The following DNAH10 variants were observed in gnomAD, a reference collection of about 807,000 sequenced individuals.
The protein encoded by DNAH10 is axonemal beta dynein heavy chain 10.
DNAH10 carries 348 observed loss-of-function variants against 506.6 expected under a neutral mutation model. The observed-to-expected ratio is 0.69, with a 90% CI of 0.63 to 0.75. The LOEUF (loss-of-function observed/expected upper bound fraction) is 0.75. Among genes scored for constraint, DNAH10 ranks in the 30% least tolerant of loss-of-function variants. The probability of loss-of-function intolerance (pLI) is 0.00; values close to 1 mark genes in which losing one functional copy is unlikely to be tolerated. For synonymous variants in DNAH10, 2,059 were observed against 2,198.6 expected (o/e 0.94, Z 1.78); for missense variants, 5,179 against 5,787.1 (o/e 0.89, Z 3.41).
chr12:123,794,115 A>G lies in DNAH10; in HGVS notation c.1986+3A>G, dbSNP rs1308072367. On this transcript the variant is annotated splice_donor_region_variant and intron_variant, in intron 12 of 78. Coordinates refer to ENST00000673944, the MANE Select transcript of DNAH10 (RefSeq NM_001372106.1). ...TTCTTGCACAGTACTGTAAAGAGGT[A>G]ATTGAAAAATCGATAGCTGCCATAG... 1.7e-6 allele frequency: 2 copies of G among 1,181,226 alleles called. No homozygotes were observed. The highest frequency in any genetic ancestry group is 2.1e-6 in the Non-Finnish European group (2 of 930,866). 73.2% of individuals were successfully genotyped at this position (1,181,226 alleles called of 1,614,324 possible). A position where few individuals can be genotyped will look rare whatever the true frequency, so the allele number is the denominator to read the frequency against.
intron 18 of DNAH10, among the ~76,000 whole-genome samples, chr12:123,808,216 A>G (rs1236431476): frequency 5.3e-5 from 8 of 152,008 alleles, no homozygotes; most frequent in Non-Finnish European, 1.2e-4. Flanking sequence ...TTTATTTTAG[A>G]GACAGGGTCT....
intron 78 of DNAH10, 108 bp from the exon 79 acceptor site, chr12:123,935,227 G>A (rs1327981483): frequency 7.5e-6 from 10 of 1,336,678 alleles, no homozygotes; most frequent in Non-Finnish European, 1.0e-5. Context: ...GTTCTCAGGT[G>A]CAGTCTTGCA....
In DNAH10 at chr12:123,909,375, T is replaced by C. The variant is rs1294946181; in HGVS notation, c.9930T>C (p.Asn3310=). ...CCAAGGGCGTGATGTCCGACCCGAA[T>C]TTCCTGCGGTCTCTGATGGAGATTG... ...KTAKGVMSDP[N]FLRSLMEIDF... is the part of the protein sequence containing the mutation. Residue 3310 remains asparagine (N), a synonymous_variant, in exon 58 of 79, where the codon AAT becomes AAC. Coordinates refer to ENST00000673944, the MANE Select transcript of DNAH10 (RefSeq NM_001372106.1). The surrounding 1 kb of genome is among the most constrained non-coding windows in gnomAD (Gnocchi z 5.4). 2 of 1,611,592 alleles carry C rather than the reference T, an allele frequency of 1.2e-6. No individual in the cohort carries two copies. The highest frequency in any genetic ancestry group is 1.7e-6 in the Non-Finnish European group (2 of 1,178,918).
intron 17 of DNAH10, among the ~76,000 whole-genome samples, chr12:123,804,412 CT>C (rs1417538329): frequency 1.3e-5 from 2 of 151,890 alleles, no homozygotes; most frequent in African/African-American, 2.4e-5. Context: ...GTAGTCCCAG[CT>C]ACTCGGGAGG....
chr12:123,896,530 C>T (rs1229322238), intron 54 of DNAH10, among the ~76,000 whole-genome samples: 2 of 152,052 alleles, frequency 1.3e-5, no homozygotes, highest in Non-Finnish European at 2.9e-5. Flanking sequence ...GGGTGTCATC[C>T]AGCGGTGGGT....
chr12:123,933,248 ATAAAC>A (rs1284540341), intron 76 of DNAH10, 78 bp from the exon 77 acceptor site: 4 of 1,281,580 alleles, frequency 3.1e-6, no homozygotes, highest in Non-Finnish European at 4.0e-6. Context: ...GTCTTTTATC[ATAAAC>A]TAAACTTCCA....
In DNAH10 at chr12:123,909,445, G is replaced by C. The variant is rs1475572964; in HGVS notation, c.9997+3G>C. 2.5e-6 allele frequency: 4 copies of C among 1,577,922 alleles called. No homozygotes were observed. The highest frequency in any genetic ancestry group is 2.7e-5 in the African/African-American group (2 of 74,422). On this transcript the variant is annotated splice_donor_region_variant and intron_variant, in intron 58 of 78. Coordinates refer to ENST00000673944, the MANE Select transcript of DNAH10 (RefSeq NM_001372106.1). This position sits in a 1 kb window ranked among gnomAD's most constrained non-coding sequence, Gnocchi z 5.4. Reference sequence around the variant, plus strand: ...GAGCCAAGTGAAAAACATCAAAGGTGAGTGTAGCCACGTGTGGGAATCGCC... The same window carrying C: ...GAGCCAAGTGAAAAACATCAAAGGTCAGTGTAGCCACGTGTGGGAATCGCC...
chr12:123,832,911 G>A (rs1353277789), intron 26 of DNAH10, among the ~76,000 whole-genome samples: 1 of 152,162 alleles, frequency 6.6e-6, no homozygotes, highest in African/African-American at 2.4e-5. Flanking sequence ...ATGAGATCGT[G>A]TATGTGACAT....
chr12:123,796,075 G>C (rs925706710), intron 12 of DNAH10, among the ~76,000 whole-genome samples: 1 of 152,064 alleles, frequency 6.6e-6, no homozygotes, highest in Non-Finnish European at 1.5e-5. Context: ...ACAGATTTCC[G>C]GATTTCTGAT....
intron 57 of DNAH10, chr12:123,908,670 C>G (rs535807914): frequency 2.4e-6 from 1 of 418,746 alleles, no homozygotes; most frequent in South Asian, 1.7e-5. Flanking sequence ...CATCTGCGTT[C>G]TGGAGGAGCA....
At chr12:123,892,386 A>G (rs1026593025) in intron 52 of DNAH10, among the ~76,000 whole-genome samples, 30 of 152,196 alleles carry the variant, frequency 2.0e-4, no homozygotes, top group African/African-American at 6.8e-4. Flanking sequence ...ACTCGCGCTC[A>G]CAAGAACAGC....
At chr12:123,849,817 G>A (rs1303512920) in intron 34 of DNAH10, among the ~76,000 whole-genome samples, 3 of 152,224 alleles carry the variant, frequency 2.0e-5, no homozygotes, top group Non-Finnish European at 4.4e-5. Context: ...AGGGCTCACT[G>A]TTAAGAGATT....
intron 32 of DNAH10, among the ~76,000 whole-genome samples, chr12:123,847,143 T>TATCCATCCATCC (rs57589181): frequency 7.9e-4 from 114 of 144,926 alleles, no homozygotes; most frequent in East Asian, 8.1e-4. Context: ...TCCATCTACA[T>TATCCATCCATCC]ATCCATCCAT....
chr12:123,857,260 A>G lies in DNAH10; in HGVS notation c.6630+13A>G. ...CCTACCCATCCAGGTAAAGCCAGGA[A>G]AATGACCTCACTGTGGCCGTGCATC... On this transcript the variant is annotated intron_variant, in intron 37 of 78. Transcript: ENST00000673944. The G allele has an allele frequency of 6.5e-7, 1 of 1,537,632 alleles. No individual in the cohort carries two copies. The highest frequency in any genetic ancestry group is 2.5e-5 in the East Asian group (1 of 40,644).
chr12:123,792,886 T>A (rs1466192968), intron 11 of DNAH10, among the ~76,000 whole-genome samples: 2 of 152,222 alleles, frequency 1.3e-5, no homozygotes, highest in African/African-American at 2.4e-5. Context: ...GTTTACTCCT[T>A]CGTTTTGCTG....
At position 123,931,648 on chromosome 12, in the gene DNAH10, GTGGTA is replaced by G; in HGVS notation, c.12931_12935del (p.Gly4311GlnfsTer4). 1.9e-6 allele frequency: 3 copies of G among 1,614,004 alleles called. No homozygotes were observed. In the South Asian group the frequency reaches 3.3e-5, roughly 18 times the overall value. ...GTCCTGGTTTTAGGGGAATCCAGCA[GTGGTA>G]TCAGCCGCGATGATTATATTGGCCA... On this transcript the variant is annotated frameshift_variant, in exon 75 of 79. Coordinates refer to ENST00000673944, the MANE Select transcript of DNAH10 (RefSeq NM_001372106.1). LOFTEE classifies it high-confidence loss of function.
At chr12:123,814,387 A>T (rs1221961239) in intron 21 of DNAH10, 2 of 152,678 alleles carry the variant, frequency 1.3e-5, no homozygotes, top group Admixed American at 1.3e-4. Flanking sequence ...TACATACTGT[A>T]CATTTTTCTG....
At chr12:123,871,425 T>C in intron 44 of DNAH10, 32 bp from the exon 45 acceptor site, 1 of 1,576,354 alleles carries the variant, frequency 6.3e-7, no homozygotes, top group Non-Finnish European at 8.6e-7. Context: ...TTGGAGTTGC[T>C]GAGATGCCCC....
At chr12:123,772,744 A>AGAGGAGAGCTTAGGTGTACT (rs1314199918) in intron 3 of DNAH10, 90 bp from the exon 4 acceptor site, 90 of 945,722 alleles carry the variant, frequency 9.5e-5, no homozygotes, top group Non-Finnish European at 1.2e-4. Context: ...CATTGTGTTG[A>AGAGGAGAGCTTAGGTGTACT]GAGGAGAGCT....
Sources: allele counts gnomAD v4.1 joint callset (sites outside exome capture counted in the v4.1 genomes callset), GRCh38; gene constraint gnomAD v4.1.1; non-coding constraint Gnocchi (gnomAD v3.1); transcripts MANE v1.5; gene names NCBI Gene and HGNC (gene_info 2026-07-23, HGNC 2026-07-21).